RIMBP2: variants seen among roughly 807,000 people sequenced by gnomAD.
The protein encoded by RIMBP2 is RIMS binding protein 2.
Under a neutral mutation model 118.6 loss-of-function variants are expected in RIMBP2, and 48 were observed. The observed-to-expected ratio is 0.40, with a 90% CI of 0.32 to 0.51. The LOEUF is 0.51. Ranked by LOEUF, RIMBP2 falls within the 20% of genes least tolerant of loss-of-function variation. RIMBP2 has a pLI of 0.41. For missense variants in RIMBP2, 1,551 were observed against 1,768.3 expected, an observed-to-expected ratio of 0.88 and a Z score of 2.20; for synonymous variants, 762 against 742.9, an observed-to-expected ratio of 1.03 and a Z score of -0.42.
intron 3 of RIMBP2, among the ~76,000 whole-genome samples, chr12:130,510,892 C>A (rs557447155): frequency 6.6e-6 from 1 of 151,982 alleles, no homozygotes; most frequent in African/African-American, 2.4e-5. Context: ...GGCTCTGGTT[C>A]GCAACAAGGA....
chr12:130,580,144 A>G (rs1196038009), intron 2 of RIMBP2, among the ~76,000 whole-genome samples: 1 of 151,576 alleles, frequency 6.6e-6, no homozygotes, highest in Non-Finnish European at 1.5e-5. Context: ...GTTGCAGTGA[A>G]CCAAGATCAC....
intron 6 of RIMBP2, 87 bp from the exon 7 acceptor site, chr12:130,456,787 G>GTA: frequency 1.0e-6 from 1 of 996,238 alleles, no homozygotes; most frequent in East Asian, 2.6e-5. Flanking sequence ...TTGTACGTGT[G>GTA]CACATGTGCA....
intron 4 of RIMBP2, among the ~76,000 whole-genome samples, chr12:130,493,811 G>A (rs36078554): frequency 0.07 from 10,634 of 152,176 alleles, 608 homozygotes; most frequent in East Asian, 0.19. Flanking sequence ...CTACATTTTC[G>A]TTGAAGTGTC....
chr12:130,652,975 G>A (rs976306428), intron 1 of RIMBP2, among the ~76,000 whole-genome samples: 3 of 152,126 alleles, frequency 2.0e-5, no homozygotes, highest in Non-Finnish European at 4.4e-5. Flanking sequence ...CTCCCACAAG[G>A]CCCCTTCCCA....
intron 1 of RIMBP2, among the ~76,000 whole-genome samples, chr12:130,656,093 T>C (rs759778371): frequency 2.0e-5 from 3 of 152,130 alleles, no homozygotes; most frequent in Non-Finnish European, 4.4e-5. Flanking sequence ...AGAAGGGACA[T>C]GGCCAGCTGC....
intron 2 of RIMBP2, among the ~76,000 whole-genome samples, chr12:130,518,124 T>C (rs191440352): frequency 9.3e-4 from 141 of 152,288 alleles, no homozygotes; most frequent in African/African-American, 3.2e-3. Context: ...TCATGTTATA[T>C]TATACGATGA....
intron 16 of RIMBP2, among the ~76,000 whole-genome samples, chr12:130,423,003 T>C (rs2076514537): frequency 6.6e-6 from 1 of 152,128 alleles, no homozygotes; most frequent in African/African-American, 2.4e-5. Context: ...AAAAGTCGTA[T>C]GTGAGGTTTC....
intron 1 of RIMBP2, among the ~76,000 whole-genome samples, chr12:130,669,900 C>T (rs1435733185): frequency 6.6e-6 from 1 of 152,098 alleles, no homozygotes; most frequent in African/African-American, 2.4e-5. Context: ...GGTTGAAGGC[C>T]GGGGCTCAGT....
At chr12:130,496,024 T>C (rs1593526262) in intron 4 of RIMBP2, among the ~76,000 whole-genome samples, 1 of 152,172 alleles carries the variant, frequency 6.6e-6, no homozygotes, top group African/African-American at 2.4e-5. Flanking sequence ...CGCTGACTCA[T>C]TGGACCTAAA....
At position 130,442,268 on chromosome 12, in the gene RIMBP2, T is replaced by C; in HGVS notation, c.1084A>G (p.Thr362Ala). 6.2e-7 allele frequency: 1 copy of C among 1,614,144 alleles called. No homozygotes were observed. Among genetic ancestry groups the C allele is most frequent in the Admixed American group, 1.7e-5 (1 of 60,022 alleles). Residue 362 changes from threonine (T) to alanine (A), a missense_variant, in exon 11 of 23, where the codon ACG (threonine) becomes GCG (alanine). Physicochemically the swap from Thr to Ala is moderately conservative, Grantham distance 58 (BLOSUM62 0). This residue lies in a region of RIMBP2 where 265 missense variants were observed against 349.5 expected (regional missense o/e 0.76). Transcript: ENST00000690449. This position sits in a 1 kb window ranked among gnomAD's most constrained non-coding sequence, Gnocchi z 6.9. ...AGGGCTTTAGTTCTGCTCCCCAGCGTGAGGTTCATGCGTGTCTCCTTGTCC... is the reference window on the plus strand; with the variant it reads ...AGGGCTTTAGTTCTGCTCCCCAGCGCGAGGTTCATGCGTGTCTCCTTGTCC... Reference protein sequence around the residue: ...LVDKETRMNLTLGSRTKALIE... With the variant: ...LVDKETRMNLALGSRTKALIE...
At chr12:130,663,537 A>G (rs116414958) in intron 1 of RIMBP2, among the ~76,000 whole-genome samples, 1,752 of 151,836 alleles carry the variant, frequency 0.012, 93 homozygotes, top group African/African-American at 0.039. Context: ...TAAATAGATG[A>G]CTCACCAAAA....
chr12:130,639,888 G>A (rs1239742682), intron 1 of RIMBP2, among the ~76,000 whole-genome samples: 1 of 152,196 alleles, frequency 6.6e-6, no homozygotes, highest in Non-Finnish European at 1.5e-5. Flanking sequence ...CTCCAGAGAT[G>A]TAAATCAATA....
At chr12:130,451,638 TC>T (rs1357777007) in intron 7 of RIMBP2, among the ~76,000 whole-genome samples, 9 of 152,192 alleles carry the variant, frequency 5.9e-5, no homozygotes, top group Non-Finnish European at 1.0e-4. Context: ...AACAGGCTGC[TC>T]CTTTCCTTGG....
In RIMBP2 at chr12:130,436,826, G is replaced by A; in HGVS notation, c.2106+16C>T. 1 of 1,377,596 alleles carries A rather than the reference G, an allele frequency of 7.3e-7. No homozygotes were observed. Among genetic ancestry groups the A allele is most frequent in the Non-Finnish European group, 9.4e-7 (1 of 1,064,864 alleles). The allele number at this position is 1,377,596 out of a possible 1,614,324, so 85.3% of individuals were successfully genotyped here. A position where few individuals can be genotyped will look rare whatever the true frequency, so the allele number is the denominator to read the frequency against. ...TGGGGACTGAGGAGCCACCGAGGCG[G>A]GAGCCCCAGCCTTACCCTGCTGCTC... On this transcript the variant is annotated intron_variant, in intron 13 of 22. Transcript: ENST00000690449.
In RIMBP2 at chr12:130,533,908, G is replaced by C. The variant is rs553532151; in HGVS notation, c.-216-15991C>G. On this transcript the variant is annotated intron_variant, in intron 2 of 22. Transcript: ENST00000690449. Reference sequence around the variant, plus strand: ...AGGCTGGGTGCGGTGGCTCATGCCTGTAATCCCAGCACTTTGGGAGGCTGA... The same window carrying C: ...AGGCTGGGTGCGGTGGCTCATGCCTCTAATCCCAGCACTTTGGGAGGCTGA... 3.2e-3 allele frequency among the ~76,000 whole-genome samples: 480 copies of C among 152,192 alleles called. 3 individuals carry two copies. The highest frequency in any genetic ancestry group is 0.011 in the African/African-American group (447 of 41,522).
Position 130,621,403 on chromosome 12 carries a change from A to G in RIMBP2, c.-217+6919T>C, listed in dbSNP as rs1377894832. Among the ~76,000 whole-genome samples, 1 of 152,198 alleles carries G rather than the reference A, an allele frequency of 6.6e-6. No individual in the cohort carries two copies. The highest frequency in any genetic ancestry group is 2.4e-5 in the African/African-American group (1 of 41,458). On this transcript the variant is annotated intron_variant, in intron 2 of 22. Transcript: ENST00000690449. The surrounding 1 kb of genome is among the most constrained non-coding windows in gnomAD (Gnocchi z 6.6). Reference sequence around the variant, plus strand: ...TCTGATTAAAGACTGACGCCAACACAGAGGAAAAGGATGGAGATTCCCAAA... The same window carrying G: ...TCTGATTAAAGACTGACGCCAACACGGAGGAAAAGGATGGAGATTCCCAAA...
intron 2 of RIMBP2, among the ~76,000 whole-genome samples, chr12:130,597,266 C>T (rs1015572348): frequency 2.0e-5 from 3 of 152,292 alleles, no homozygotes; most frequent in East Asian, 1.9e-4. Context: ...ATTTTTGAGA[C>T]GGAGTCTCGC....
rs1593417711 is a variant in RIMBP2 at position 130,469,273 on chromosome 12, G to A, written c.153+1420C>T. On this transcript the variant is annotated intron_variant, in intron 6 of 22. Coordinates refer to ENST00000690449, the MANE Select transcript of RIMBP2 (RefSeq NM_001393629.1). The surrounding 1 kb of genome is among the most constrained non-coding windows in gnomAD (Gnocchi z 4.8). ...CTTGTTTTTCGAACCAAAGCACGCT[G>A]CGTTGCGACCGTCACCACATTTGAA... The A allele has an allele frequency of 6.6e-6, 1 of 152,468 alleles. No homozygotes were observed. Among genetic ancestry groups the A allele is most frequent in the South Asian group, 2.1e-4 (1 of 4,832 alleles). The allele number at this position is 152,468 out of a possible 1,614,324, so 9.4% of individuals were successfully genotyped here.
chr12:130,670,458 C>A lies in RIMBP2; in HGVS notation c.-351-42002G>T, dbSNP rs944460100. On this transcript the variant is annotated intron_variant, in intron 1 of 22. Transcript: ENST00000690449. The surrounding 1 kb of genome is among the most constrained non-coding windows in gnomAD (Gnocchi z 4.9). ...CCCTGCTCTCTCTCCTAGCTCTGGG[C>A]CCAAGGCCTTGGTATGTGCAGCTCC... 2.6e-5 allele frequency among the ~76,000 whole-genome samples: 4 copies of A among 152,274 alleles called. No individual in the cohort carries two copies. The highest frequency in any genetic ancestry group is 9.6e-5 in the African/African-American group (4 of 41,556).
Sources: allele counts gnomAD v4.1 joint callset (sites outside exome capture counted in the v4.1 genomes callset), GRCh38; gene constraint gnomAD v4.1.1; regional missense constraint gnomAD v4.1.1; non-coding constraint Gnocchi (gnomAD v3.1); transcripts MANE v1.5; gene names NCBI Gene and HGNC (gene_info 2026-07-23, HGNC 2026-07-21).